Variants in AGO3 observed in about 807,000 individuals in gnomAD.
AGO3 encodes argonaute RISC catalytic component 3.
In AGO3, 16 loss-of-function variants were observed where a neutral mutation model predicts 105.5. The ratio of observed to expected loss-of-function variants is 0.15; its 90% CI spans 0.10 to 0.23. The LOEUF is 0.23. Ranked by LOEUF, AGO3 falls within the 10% of genes least tolerant of loss-of-function variation. AGO3 has a pLI of 1.00. For missense variants in AGO3, 534 were observed against 1,088.0 expected, an observed-to-expected ratio of 0.49 and a Z score of 7.16; for synonymous variants, 340 against 367.3, an observed-to-expected ratio of 0.93 and a Z score of 0.85.
chr1:35,954,062 A>G (rs1161127746), intron 2 of AGO3, among the ~76,000 whole-genome samples: 1 of 152,192 alleles, frequency 6.6e-6, no homozygotes, highest in African/African-American at 2.4e-5. Flanking sequence ...CTATATTAAA[A>G]TGATTTAGAC....
intron 3 of AGO3, 145 bp downstream of exon 3, chr1:35,967,220 A>G: frequency 1.0e-5 from 12 of 1,185,558 alleles, no homozygotes; most frequent in Non-Finnish European, 1.4e-5. Flanking sequence ...AATAATTTCA[A>G]ACTTAAAGAA....
In AGO3 at chr1:35,976,682, A is replaced by G. The variant is rs545908057; in HGVS notation, c.658+3171A>G. On this transcript the variant is annotated intron_variant, in intron 5 of 18. Coordinates refer to ENST00000373191, the MANE Select transcript of AGO3 (RefSeq NM_024852.4). ...TTTGTCAGATGCCTTTTCAGCATCTATGGAGCTGATGATGTGATATTTCTC... is the reference window on the plus strand; with the variant it reads ...TTTGTCAGATGCCTTTTCAGCATCTGTGGAGCTGATGATGTGATATTTCTC... Among the ~76,000 whole-genome samples, 6 of 152,312 alleles carry G rather than the reference A, an allele frequency of 3.9e-5. No homozygotes were observed. The East Asian group carries it at 1.2e-3, about 29-fold the overall frequency.
chr1:35,978,110 A>G (rs1280521934), intron 5 of AGO3, among the ~76,000 whole-genome samples: 1 of 152,238 alleles, frequency 6.6e-6, no homozygotes, highest in East Asian at 1.9e-4. Flanking sequence ...GCTCAGGTGT[A>G]TATTTAGTAC....
chr1:36,007,862 G>A lies in AGO3; in HGVS notation c.794-828G>A, dbSNP rs534921902. Among the ~76,000 whole-genome samples, 251 of 152,150 alleles carry A rather than the reference G, an allele frequency of 1.6e-3. 1 individual carries two copies. The highest frequency in any genetic ancestry group is 5.9e-3 in the African/African-American group (244 of 41,514). The stretch of plus-strand genomic sequence containing the variant: ...AGCACTGCTTCAGAAAATTCATCTC[G>A]AAGAACTTCAGCCAACAGCTTAAAG... On this transcript the variant is annotated intron_variant, in intron 6 of 18. Transcript: ENST00000373191.
intron 5 of AGO3, among the ~76,000 whole-genome samples, chr1:35,993,373 C>G (rs1007290164): frequency 6.6e-6 from 1 of 152,008 alleles, no homozygotes; most frequent in African/African-American, 2.4e-5. Context: ...TAATAAACTC[C>G]TAGCAAGACT....
At position 36,067,678 on chromosome 1, in the gene AGO3, T is replaced by G. The variant is rs967154555; in HGVS notation, c.*11933T>G. 5.3e-5 allele frequency: 8 copies of G among 152,240 alleles called. No homozygotes were observed. The highest frequency in any genetic ancestry group is 1.7e-4 in the African/African-American group (7 of 41,532). 9.4% of individuals were successfully genotyped at this position (152,240 alleles called of 1,614,324 possible). ...ATAGAGCCAGGCATTGCTATCAACA[T>G]AACATGTTTGGTTTTCCCCTTTAAA... On this transcript the variant is annotated 3_prime_UTR_variant, in exon 19 of 19. Coordinates refer to ENST00000373191, the MANE Select transcript of AGO3 (RefSeq NM_024852.4).
intron 5 of AGO3, among the ~76,000 whole-genome samples, chr1:35,987,426 G>C (rs1647232209): frequency 6.6e-6 from 1 of 151,826 alleles, no homozygotes; most frequent in South Asian, 2.1e-4. Flanking sequence ...CCAGGAGACG[G>C]AGGTTGCAGT....
Position 35,972,107 on chromosome 1 carries a change from T to C in AGO3, c.396T>C (p.Ser132=). 1 of 1,614,120 alleles carries C rather than the reference T, an allele frequency of 6.2e-7. No individual in the cohort carries two copies. Among genetic ancestry groups the C allele is most frequent in the Non-Finnish European group, 8.5e-7 (1 of 1,180,014 alleles). The change falls in exon 4 of 19, where the codon AGT becomes AGC. Residue 132 remains serine (S), a synonymous_variant. Coordinates refer to ENST00000373191, the MANE Select transcript of AGO3 (RefSeq NM_024852.4). The part of the protein sequence containing the change: ...KVSIKFVSRV[S]WHLLHEVLTG... ...CAATCAAATTTGTCTCTCGGGTGAG[T>C]TGGCACCTACTGCATGAAGTACTGA...
chr1:35,979,302 T>C (rs181226327), intron 5 of AGO3, among the ~76,000 whole-genome samples: 3 of 152,110 alleles, frequency 2.0e-5, no homozygotes, highest in African/African-American at 7.2e-5. Flanking sequence ...AGGCGGAGCT[T>C]GCAGTGAGCC....
intron 5 of AGO3, among the ~76,000 whole-genome samples, chr1:35,974,654 A>G (rs1646925313): frequency 1.3e-5 from 2 of 152,138 alleles, no homozygotes; most frequent in African/African-American, 4.8e-5. Flanking sequence ...AGATCTCTCC[A>G]TTGTAAATTT....
chr1:35,992,903 C>A (rs912394131), intron 5 of AGO3, among the ~76,000 whole-genome samples: 4 of 152,184 alleles, frequency 2.6e-5, no homozygotes, highest in Non-Finnish European at 5.9e-5. Flanking sequence ...TCCAGTAGGA[C>A]TCACTTAATT....
rs1471520815 is a variant in AGO3, at chr1:36,059,785, C to T, written c.*4040C>T. On this transcript the variant is annotated 3_prime_UTR_variant, in exon 19 of 19. Transcript: ENST00000373191. ...CAGGATTCAAGGCTAGTGTTAGACCCTTTTTTTTCCTAAGAGTAAGGACAC... is the reference window on the plus strand; with the variant it reads ...CAGGATTCAAGGCTAGTGTTAGACCTTTTTTTTTCCTAAGAGTAAGGACAC... 1 of 151,760 alleles carries T rather than the reference C, an allele frequency of 6.6e-6. No homozygotes were observed. Among genetic ancestry groups the T allele is most frequent in the Non-Finnish European group, 1.5e-5 (1 of 67,926 alleles). The allele number at this position is 151,760 out of a possible 1,614,324, so 9.4% of individuals were successfully genotyped here.
In AGO3 at chr1:36,061,194, G is replaced by A. The variant is rs1001244368; in HGVS notation, c.*5449G>A. 6.6e-6 allele frequency: 1 copy of A among 152,064 alleles called. No individual in the cohort carries two copies. The highest frequency in any genetic ancestry group is 2.4e-5 in the African/African-American group (1 of 41,380). 9.4% of individuals were successfully genotyped at this position (152,064 alleles called of 1,614,324 possible). ...AAGCAGGGAGGGGGAGTGTGTGTGT[G>A]TGTATATGTATGAGTGTGTATATAT... is the stretch of plus-strand genomic sequence containing the variant. On this transcript the variant is annotated 3_prime_UTR_variant, in exon 19 of 19. Transcript: ENST00000373191.
chr1:36,005,395 T>G (rs748632950), intron 6 of AGO3, among the ~76,000 whole-genome samples: 1 of 152,166 alleles, frequency 6.6e-6, no homozygotes, highest in African/African-American at 2.4e-5. Context: ...AAGAGAGAGA[T>G]AGTCATTGTA....
At chr1:36,018,682 T>C (rs931479297) in intron 11 of AGO3, among the ~76,000 whole-genome samples, 24 of 152,106 alleles carry the variant, frequency 1.6e-4, no homozygotes, top group African/African-American at 3.4e-4. Flanking sequence ...TCACCCGCCT[T>C]GGCCTCCCAA....
intron 1 of AGO3, among the ~76,000 whole-genome samples, chr1:35,935,178 A>G (rs552894835): frequency 1.3e-4 from 20 of 152,298 alleles, no homozygotes; most frequent in Admixed American, 5.2e-4. Context: ...GATTGTTTTG[A>G]TATTTGGTTT....
intron 5 of AGO3, among the ~76,000 whole-genome samples, chr1:36,000,522 A>G (rs1002378745): frequency 6.6e-6 from 1 of 152,136 alleles, no homozygotes; most frequent in Non-Finnish European, 1.5e-5. Flanking sequence ...TATCTGAAAT[A>G]TTAGTTGTGA....
rs1643150619 is a variant in AGO3, at chr1:36,070,687, C to CTAA, written c.*14943_*14944insAAT. 2.0e-5 allele frequency: 3 copies of CTAA among 152,268 alleles called. No homozygotes were observed. Among genetic ancestry groups the CTAA allele is most frequent in the African/African-American group, 7.2e-5 (3 of 41,552 alleles). 9.4% of individuals were successfully genotyped at this position (152,268 alleles called of 1,614,324 possible). ...AACTCATTGCTAACAAAGCTGGCATCTGCATTAATTTCAATGAGAATTTCA... is the reference window on the plus strand; with the variant it reads ...AACTCATTGCTAACAAAGCTGGCATCTAATGCATTAATTTCAATGAGAATTTCA... On this transcript the variant is annotated 3_prime_UTR_variant, in exon 19 of 19. Coordinates refer to ENST00000373191, the MANE Select transcript of AGO3 (RefSeq NM_024852.4).
chr1:36,047,064 G>C (rs1225876969), intron 17 of AGO3, among the ~76,000 whole-genome samples: 1 of 152,116 alleles, frequency 6.6e-6, no homozygotes, highest in Admixed American at 6.5e-5. Flanking sequence ...GACCAACATG[G>C]AGAAAACTTG....
Sources: gnomAD v4.1 joint callset for allele counts (sites outside exome capture counted in the v4.1 genomes callset) on GRCh38, gnomAD v4.1.1 for gene constraint, MANE v1.5 for transcripts, NCBI Gene and HGNC (gene_info 2026-07-23, HGNC 2026-07-21) for gene names.